Variants in SLC25A21 observed in about 807,000 individuals in gnomAD.
SLC25A21 encodes solute carrier family 25 member 21.
SLC25A21 carries 47 observed loss-of-function variants against 43.8 expected under a neutral mutation model. The observed-to-expected ratio is 1.07, with a 90% CI of 0.85 to 1.37. The LOEUF is 1.37. Ranked by LOEUF, SLC25A21 falls within the 40% of genes most tolerant of loss-of-function variation. The probability of loss-of-function intolerance (pLI) is 0.00; values close to 1 mark genes in which losing one functional copy is unlikely to be tolerated. For missense variants in SLC25A21, 352 were observed against 350.2 expected, an observed-to-expected ratio of 1.00 and a Z score of -0.04; for synonymous variants, 131 against 121.3, an observed-to-expected ratio of 1.08 and a Z score of -0.52.
At chr14:37,123,377 A>G (rs544349821) in intron 1 of SLC25A21, among the ~76,000 whole-genome samples, 1 of 152,366 alleles carries the variant, frequency 6.6e-6, no homozygotes, top group African/African-American at 2.4e-5. Context: ...CTACAGAAAG[A>G]GAAGAATGCA....
chr14:36,765,010 G>A (rs1432725824), intron 3 of SLC25A21, among the ~76,000 whole-genome samples: 1 of 152,232 alleles, frequency 6.6e-6, no homozygotes, highest in African/African-American at 2.4e-5. Context: ...GAGGGCCTAT[G>A]TCCCTTCTCT....
chr14:36,751,725 T>C (rs573856616), intron 3 of SLC25A21, among the ~76,000 whole-genome samples: 18 of 152,348 alleles, frequency 1.2e-4, no homozygotes, highest in African/African-American at 4.1e-4. Context: ...ATTGAAATAG[T>C]AAACATACTT....
chr14:36,889,217 T>C (rs1891010725), intron 1 of SLC25A21, among the ~76,000 whole-genome samples: 1 of 152,214 alleles, frequency 6.6e-6, no homozygotes, highest in South Asian at 2.1e-4. Flanking sequence ...CACAGATTCC[T>C]TTTATAGGCA....
intron 1 of SLC25A21, among the ~76,000 whole-genome samples, chr14:37,148,325 C>T (rs919124924): frequency 1.3e-5 from 2 of 152,080 alleles, no homozygotes; most frequent in African/African-American, 4.8e-5. Flanking sequence ...TGTGTAGCTA[C>T]ACATTGTATA....
intron 1 of SLC25A21, among the ~76,000 whole-genome samples, chr14:37,152,355 G>A (rs995983083): frequency 1.3e-5 from 2 of 150,818 alleles, no homozygotes; most frequent in Non-Finnish European, 2.9e-5. Flanking sequence ...AACCATTAGC[G>A]TCCACTGACT....
intron 3 of SLC25A21, among the ~76,000 whole-genome samples, chr14:36,769,137 G>A (rs1008968575): frequency 7.2e-5 from 11 of 152,166 alleles, no homozygotes; most frequent in African/African-American, 2.7e-4. Context: ...AGGTGATGTG[G>A]CATTACTGAA....
Position 37,018,728 on chromosome 14 carries a change from T to A in SLC25A21, c.71-143724A>T, listed in dbSNP as rs114619133. On this transcript the variant is annotated intron_variant, in intron 1 of 9. Coordinates refer to ENST00000331299, the MANE Select transcript of SLC25A21 (RefSeq NM_030631.4). ...TTTTTAAAACACAATTTGGAGCACA[T>A]CCCTTCATGCACTCTAAGTGCGTGG... is the stretch of plus-strand genomic sequence containing the variant. Among the ~76,000 whole-genome samples, 1,428 of 152,066 alleles carry A rather than the reference T, an allele frequency of 9.4e-3. 31 individuals carry two copies. The highest frequency in any genetic ancestry group is 0.031 in the African/African-American group (1,297 of 41,524).
At chr14:36,767,819 C>T (rs760472521) in intron 3 of SLC25A21, among the ~76,000 whole-genome samples, 14 of 152,152 alleles carry the variant, frequency 9.2e-5, no homozygotes, top group Non-Finnish European at 1.6e-4. Context: ...AATTCAGGCC[C>T]GTTGGTATCT....
intron 7 of SLC25A21, among the ~76,000 whole-genome samples, chr14:36,696,119 G>T (rs927689201): frequency 6.6e-6 from 1 of 152,258 alleles, no homozygotes; most frequent in East Asian, 1.9e-4. Flanking sequence ...TAGCATGAAG[G>T]GCTGTTGAAT....
intron 1 of SLC25A21, among the ~76,000 whole-genome samples, chr14:37,094,240 T>G (rs1204065065): frequency 1.3e-5 from 2 of 152,142 alleles, no homozygotes; most frequent in Admixed American, 6.6e-5. Flanking sequence ...TAGATAGTCA[T>G]CCTGTGATCA....
At chr14:37,169,525 T>G (rs1964085875) in intron 1 of SLC25A21, among the ~76,000 whole-genome samples, 1 of 151,636 alleles carries the variant, frequency 6.6e-6, no homozygotes. Flanking sequence ...GTTTCTTTTC[T>G]TTTTCACCTA....
At chr14:36,852,489 C>A (rs1024307151) in intron 2 of SLC25A21, among the ~76,000 whole-genome samples, 2 of 152,170 alleles carry the variant, frequency 1.3e-5, no homozygotes, top group African/African-American at 4.8e-5. Context: ...GTGGCTATCA[C>A]AGCTGAAAGT....
At chr14:36,892,976 C>A (rs1891121278) in intron 1 of SLC25A21, among the ~76,000 whole-genome samples, 1 of 152,122 alleles carries the variant, frequency 6.6e-6, no homozygotes, top group South Asian at 2.1e-4. Context: ...GGTTCCAAGT[C>A]TTTGCTATCG....
At chr14:37,040,540 T>C (rs1430613789) in intron 1 of SLC25A21, among the ~76,000 whole-genome samples, 1 of 151,808 alleles carries the variant, frequency 6.6e-6, no homozygotes, top group Non-Finnish European at 1.5e-5. Flanking sequence ...AGAAGGACCT[T>C]TCATGCTGGG....
intron 1 of SLC25A21, among the ~76,000 whole-genome samples, chr14:37,110,072 T>A (rs1962990275): frequency 6.6e-6 from 1 of 152,184 alleles, no homozygotes; most frequent in African/African-American, 2.4e-5. Flanking sequence ...TAAGTTGACC[T>A]GTGCTTTCCA....
chr14:36,757,902 A>G (rs189514799), intron 3 of SLC25A21, among the ~76,000 whole-genome samples: 41 of 152,362 alleles, frequency 2.7e-4, no homozygotes, highest in Admixed American at 2.4e-3. Flanking sequence ...CAGTGCTAAA[A>G]TGACCAGAAC....
At chr14:36,781,623 T>C (rs1016075792) in intron 3 of SLC25A21, among the ~76,000 whole-genome samples, 6 of 152,236 alleles carry the variant, frequency 3.9e-5, no homozygotes, top group African/African-American at 1.4e-4. Context: ...TTAACTTCTC[T>C]ACACAAACAG....
rs868070949 is a variant in SLC25A21 at position 37,132,178 on chromosome 14, C to T, written c.70+40103G>A. ...TCCTTTTATCAGGAGCCCACTCTCA[C>T]GCAAATGCCATTAATCCATTCATGA... On this transcript the variant is annotated intron_variant, in intron 1 of 9. Coordinates refer to ENST00000331299, the MANE Select transcript of SLC25A21 (RefSeq NM_030631.4). Among the ~76,000 whole-genome samples the T allele has an allele frequency of 8.5e-5, 13 of 152,284 alleles. No individual in the cohort carries two copies. The South Asian group carries it at 1.0e-3, about 12-fold the overall frequency.
intron 3 of SLC25A21, among the ~76,000 whole-genome samples, chr14:36,754,719 G>C (rs1437550524): frequency 2.3e-5 from 3 of 132,432 alleles, no homozygotes; most frequent in African/African-American, 9.9e-5. Context: ...ACATACAAAA[G>C]ACAGTGCCCA....
Sources: allele counts gnomAD v4.1 joint callset (sites outside exome capture counted in the v4.1 genomes callset), GRCh38; gene constraint gnomAD v4.1.1; transcripts MANE v1.5; gene names NCBI Gene and HGNC (gene_info 2026-07-23, HGNC 2026-07-21).